Variants in SLC9A9 observed in about 807,000 individuals in gnomAD.
SLC9A9 encodes the protein solute carrier family 9 member A9.
In SLC9A9, 62 loss-of-function variants were observed where a neutral mutation model predicts 77.8. The observed-to-expected ratio is 0.80, with a 90% confidence interval of 0.65 to 0.98. The LOEUF is 0.98. Among genes scored for constraint, SLC9A9 ranks in the 50% least tolerant of loss-of-function variants. The pLI, the probability that SLC9A9 is intolerant of heterozygous loss-of-function variation, is 0.00. For missense variants in SLC9A9, 775 were observed against 774.9 expected, an observed-to-expected ratio of 1.00 and a Z score of 0.00; for synonymous variants, 320 against 283.5, an observed-to-expected ratio of 1.13 and a Z score of -1.29.
chr3:143,659,174 C>G (rs1271636888), intron 5 of SLC9A9, among the ~76,000 whole-genome samples: 2 of 151,618 alleles, frequency 1.3e-5, no homozygotes, highest in African/African-American at 4.9e-5. Flanking sequence ...AAATGGTGGG[C>G]AAGGGTTTAT....
chr3:143,293,500 G>C (rs2030110405), intron 14 of SLC9A9, among the ~76,000 whole-genome samples: 1 of 152,118 alleles, frequency 6.6e-6, no homozygotes, highest in South Asian at 2.1e-4. Context: ...TGGCTGTTTT[G>C]ATATTGTCAT....
intron 5 of SLC9A9, among the ~76,000 whole-genome samples, chr3:143,673,163 G>C (rs2108766820): frequency 6.6e-6 from 1 of 152,304 alleles, no homozygotes; most frequent in African/African-American, 2.4e-5. Context: ...TTTCCTCAAA[G>C]TGTTAATAAT....
chr3:143,802,402 C>A (rs2008588093), intron 2 of SLC9A9, among the ~76,000 whole-genome samples: 1 of 152,198 alleles, frequency 6.6e-6, no homozygotes, highest in Non-Finnish European at 1.5e-5. Context: ...CCCTTCCCTA[C>A]ACATCAAGCT....
rs540358856 is a variant in SLC9A9 at position 143,747,890 on chromosome 3, T to C, written c.533+47111A>G. 5.3e-5 allele frequency among the ~76,000 whole-genome samples: 8 copies of C among 152,322 alleles called. No homozygotes were observed. In the South Asian group the frequency reaches 1.5e-3, roughly 28 times the overall value. Reference sequence around the variant, plus strand: ...AGACCTCCTTAGGAACTTTGTCCAGTGGTCCTTTCCCCTCAGGGTAGGGAG... The same window carrying C: ...AGACCTCCTTAGGAACTTTGTCCAGCGGTCCTTTCCCCTCAGGGTAGGGAG... On this transcript the variant is annotated intron_variant, in intron 4 of 15. Coordinates refer to ENST00000316549, the MANE Select transcript of SLC9A9 (RefSeq NM_173653.4).
intron 12 of SLC9A9, among the ~76,000 whole-genome samples, chr3:143,465,128 G>A (rs9850883): frequency 8.5e-5 from 13 of 152,326 alleles, no homozygotes; most frequent in Non-Finnish European, 1.5e-4. Context: ...ATTTGGAGCC[G>A]GTTCCTGCTG....
chr3:143,791,431 A>G (rs1208559079), intron 4 of SLC9A9, among the ~76,000 whole-genome samples: 1 of 152,238 alleles, frequency 6.6e-6, no homozygotes, highest in East Asian at 1.9e-4. Flanking sequence ...ACAGAAGGTC[A>G]CAGCCCACCA....
chr3:143,377,280 T>C (rs1338299709), intron 13 of SLC9A9, among the ~76,000 whole-genome samples: 1 of 152,220 alleles, frequency 6.6e-6, no homozygotes, highest in Admixed American at 6.5e-5. Flanking sequence ...GCTTCAAAGG[T>C]ATTCCAGGTT....
chr3:143,332,308 T>C (rs1490221805), intron 14 of SLC9A9, among the ~76,000 whole-genome samples: 1 of 152,112 alleles, frequency 6.6e-6, no homozygotes, highest in Non-Finnish European at 1.5e-5. Flanking sequence ...CTAAAAAACC[T>C]CAACCAACTT....
chr3:143,377,263 C>CT (rs547754958), intron 13 of SLC9A9, among the ~76,000 whole-genome samples: 14 of 152,354 alleles, frequency 9.2e-5, no homozygotes, highest in Admixed American at 3.3e-4. Context: ...CCCATGGCCT[C>CT]TTCCAGGCTT....
At chr3:143,784,754 T>A (rs2007992933) in intron 4 of SLC9A9, among the ~76,000 whole-genome samples, 1 of 152,204 alleles carries the variant, frequency 6.6e-6, no homozygotes, top group Admixed American at 6.5e-5. Context: ...AGATGGCTAC[T>A]GTGATGGAAT....
intron 6 of SLC9A9, among the ~76,000 whole-genome samples, chr3:143,650,342 G>A (rs2038776822): frequency 6.6e-6 from 1 of 152,182 alleles, no homozygotes; most frequent in Non-Finnish European, 1.5e-5. Flanking sequence ...GCAAGGAGAG[G>A]AAATACGTGT....
intron 14 of SLC9A9, among the ~76,000 whole-genome samples, chr3:143,282,307 C>T (rs890585846): frequency 6.6e-6 from 1 of 152,178 alleles, no homozygotes; most frequent in Non-Finnish European, 1.5e-5. Context: ...CTAAGGTTGA[C>T]CTGGAAGGCC....
rs2006816337 is a variant in SLC9A9, at chr3:143,753,502, C to T, written c.533+41499G>A. Among the ~76,000 whole-genome samples, 7 of 152,330 alleles carry T rather than the reference C, an allele frequency of 4.6e-5. 1 individual carries two copies. The South Asian group carries it at 1.4e-3, about 32-fold the overall frequency. ...AGAGAGGAAGCCAACAGAGGTCTTT[C>T]CCCTTGCCTAATGCTGCACAAGCAT... On this transcript the variant is annotated intron_variant, in intron 4 of 15. Coordinates refer to ENST00000316549, the MANE Select transcript of SLC9A9 (RefSeq NM_173653.4).
intron 4 of SLC9A9, among the ~76,000 whole-genome samples, chr3:143,704,760 A>AG (rs35295679): frequency 2.0e-5 from 3 of 152,128 alleles, no homozygotes; most frequent in Non-Finnish European, 2.9e-5. Flanking sequence ...TGGGAGGCCA[A>AG]GGTGGGCAGA....
intron 9 of SLC9A9, among the ~76,000 whole-genome samples, chr3:143,505,871 C>A (rs2036006654): frequency 6.6e-6 from 1 of 152,098 alleles, no homozygotes; most frequent in South Asian, 2.1e-4. Context: ...AACCCTCAAG[C>A]TTATAACTTA....
intron 5 of SLC9A9, among the ~76,000 whole-genome samples, chr3:143,683,257 T>A (rs1933160078): frequency 1.3e-5 from 2 of 152,116 alleles, no homozygotes; most frequent in African/African-American, 4.8e-5. Context: ...CATCGCCTAT[T>A]GAACATTCTT....
chr3:143,559,882 G>T (rs1016122883), intron 8 of SLC9A9, among the ~76,000 whole-genome samples: 2 of 152,102 alleles, frequency 1.3e-5, no homozygotes, highest in Non-Finnish European at 2.9e-5. Context: ...TAGTGAGTTC[G>T]GATGACTCTG....
chr3:143,353,082 T>C (rs2108475130), intron 14 of SLC9A9, among the ~76,000 whole-genome samples: 1 of 152,358 alleles, frequency 6.6e-6, no homozygotes, highest in South Asian at 2.1e-4. Context: ...CTGAACACTC[T>C]GCACCCTGTT....
In SLC9A9 at chr3:143,705,844, T is replaced by A. The variant is rs73009377; in HGVS notation, c.534-12537A>T. ...CTAGGTGTATAGTAAAGGTATACTTTACTAGGTCCATGAAGAATGCAAAGG... is the reference window on the plus strand; with the variant it reads ...CTAGGTGTATAGTAAAGGTATACTTAACTAGGTCCATGAAGAATGCAAAGG... On this transcript the variant is annotated intron_variant, in intron 4 of 15. Coordinates refer to ENST00000316549, the MANE Select transcript of SLC9A9 (RefSeq NM_173653.4). Among the ~76,000 whole-genome samples, 368 of 152,284 alleles carry A rather than the reference T, an allele frequency of 2.4e-3. 1 individual carries two copies. The highest frequency in any genetic ancestry group is 8.3e-3 in the African/African-American group (345 of 41,552).
Sources: gnomAD v4.1 joint callset for allele counts (sites outside exome capture counted in the v4.1 genomes callset) on GRCh38, gnomAD v4.1.1 for gene constraint, MANE v1.5 for transcripts, NCBI Gene and HGNC (gene_info 2026-07-23, HGNC 2026-07-21) for gene names.